Variants in MMD observed in about 807,000 individuals in gnomAD.
MMD encodes monocyte to macrophage differentiation factor.
MMD carries 22 observed loss-of-function variants against 33.6 expected under a neutral mutation model. The ratio of observed to expected loss-of-function variants is 0.66; its 90% confidence interval spans 0.47 to 0.94. The LOEUF (loss-of-function observed/expected upper bound fraction) is 0.94, where lower values mean the gene tolerates loss of function less well. MMD is among the 40% of genes least tolerant of loss of function. The pLI is 0.00. For missense variants in MMD, 242 were observed against 309.8 expected (o/e 0.78, Z 1.64); for synonymous variants, 97 against 103.2 (o/e 0.94, Z 0.36).
At chr17:55,395,506 T>G (rs1219741934) in intron 6 of MMD, among the ~76,000 whole-genome samples, 3 of 152,228 alleles carry the variant, frequency 2.0e-5, no homozygotes, top group Admixed American at 2.0e-4. Flanking sequence ...AGGGAAGCTC[T>G]AACTCAGGCA....
chr17:55,417,920 A>G lies in MMD; in HGVS notation c.27-3688T>C, dbSNP rs1464118695. On this transcript the variant is annotated intron_variant, in intron 1 of 6. Transcript: ENST00000262065. ...GTAACACAGTGTTCAGAGGCCCACA[A>G]GCCCTGAGTGGTCTGGGCCTCACTA... 2.6e-5 allele frequency among the ~76,000 whole-genome samples: 4 copies of G among 152,308 alleles called. No individual in the cohort carries two copies. The East Asian group carries it at 7.7e-4, about 29-fold the overall frequency.
rs761988183 is a variant in MMD at position 55,411,375 on chromosome 17, G to A, written c.151C>T (p.Arg51Trp). 83 of 1,613,936 alleles carry A rather than the reference G, an allele frequency of 5.1e-5. No individual in the cohort carries two copies. The highest frequency in any genetic ancestry group is 1.3e-4 in the Admixed American group (8 of 59,972). ...PAIVGSALLH[R>W]LSDDCWEKIT... Reference sequence around the variant, plus strand: ...TTTTCCCAGCAGTCATCAGACAGCCGATGGAGGAGGGCACTGCCCACGATG... The same window carrying A: ...TTTTCCCAGCAGTCATCAGACAGCCAATGGAGGAGGGCACTGCCCACGATG... The change falls in exon 3 of 7, where the codon CGG becomes TGG. Residue 51 changes from arginine to tryptophan, a missense_variant. Arg to Trp is a moderately radical substitution (Grantham distance 101). Transcript: ENST00000262065.
chr17:55,407,010 G>A (rs993325619), intron 4 of MMD, among the ~76,000 whole-genome samples: 1 of 151,836 alleles, frequency 6.6e-6, no homozygotes, highest in Non-Finnish European at 1.5e-5. Context: ...CAGCCTGGGA[G>A]ACAGAGTGAG....
intron 6 of MMD, among the ~76,000 whole-genome samples, chr17:55,395,153 C>T (rs1193456079): frequency 1.3e-5 from 2 of 152,190 alleles, no homozygotes; most frequent in Non-Finnish European, 2.9e-5. Context: ...GTATTCGAGC[C>T]TGGCCATTGC....
intron 1 of MMD, 130 bp downstream of exon 1, chr17:55,421,540 A>T: frequency 7.6e-7 from 1 of 1,309,080 alleles, no homozygotes; most frequent in South Asian, 1.2e-5. Flanking sequence ...CAGGGAACTG[A>T]TCCCTGGCCA....
chr17:55,410,608 C>T (rs913999810), intron 3 of MMD, among the ~76,000 whole-genome samples: 10 of 152,272 alleles, frequency 6.6e-5, no homozygotes, highest in East Asian at 5.8e-4. Context: ...TAGCAAAATA[C>T]GTGAACTCTG....
At position 55,394,393 on chromosome 17, in the gene MMD, A is replaced by G. The variant is rs1907024415; in HGVS notation, c.658T>C (p.Tyr220His). ...LFVATAAAVH[Y>H]YAIWKYLYRS... The stretch of plus-strand genomic sequence containing the variant: ...TAAAGGTATTTCCAAATGGCGTAGT[A>G]ATGCACTGCAGCTGCCGTGGCCACA... The change falls in exon 7 of 7, where the codon TAC (tyrosine) becomes CAC (histidine). Residue 220 changes from tyrosine (Y) to histidine (H), a missense_variant. Physicochemically the swap from Tyr to His is moderately conservative, Grantham distance 83. Transcript: ENST00000262065. 1 of 1,487,926 alleles carries G rather than the reference A, an allele frequency of 6.7e-7. No individual in the cohort carries two copies. The highest frequency in any genetic ancestry group is 2.6e-5 in the Admixed American group (1 of 38,136). 92.2% of individuals were successfully genotyped at this position (1,487,926 alleles called of 1,614,324 possible). A position where few individuals can be genotyped will look rare whatever the true frequency, so the allele number is the denominator to read the frequency against.
At position 55,393,566 on chromosome 17, in the gene MMD, T is replaced by TTG. The variant is rs1906996046; in HGVS notation, c.*767_*768insCA. On this transcript the variant is annotated 3_prime_UTR_variant, in exon 7 of 7. Transcript: ENST00000262065. ...GAAAAAGTTGGATCTTTTGAAAAAG[T>TTG]TAATGATATCAAAATACTTTTCCAT... 1 of 152,656 alleles carries TTG rather than the reference T, an allele frequency of 6.6e-6. No individual in the cohort carries two copies. The highest frequency in any genetic ancestry group is 1.5e-5 in the Non-Finnish European group (1 of 68,044). 9.5% of individuals were successfully genotyped at this position (152,656 alleles called of 1,614,324 possible). A position where few individuals can be genotyped will look rare whatever the true frequency, so the allele number is the denominator to read the frequency against.
chr17:55,404,333 C>T (rs1156265400), intron 4 of MMD: 47 of 508,256 alleles, frequency 9.2e-5, no homozygotes, highest in East Asian at 1.5e-4. Context: ...CCAGTCTGGG[C>T]GACAGAGCAA....
chr17:55,405,585 A>G (rs915547411), intron 4 of MMD, among the ~76,000 whole-genome samples: 3 of 152,210 alleles, frequency 2.0e-5, no homozygotes, highest in African/African-American at 4.8e-5. Context: ...TAAAGAATTT[A>G]AAATAACTAA....
chr17:55,397,809 G>A (rs1041636811), intron 6 of MMD, among the ~76,000 whole-genome samples: 2 of 152,098 alleles, frequency 1.3e-5, no homozygotes, highest in African/African-American at 4.8e-5. Flanking sequence ...CCAACGTGCT[G>A]GGATTACATG....
chr17:55,419,817 T>C (rs1036377253), intron 1 of MMD, among the ~76,000 whole-genome samples: 2 of 151,940 alleles, frequency 1.3e-5, no homozygotes, highest in African/African-American at 4.8e-5. Flanking sequence ...AAGAAACTGT[T>C]AAATATCCAT....
chr17:55,394,986 C>T (rs1423391299), intron 6 of MMD, among the ~76,000 whole-genome samples: 1 of 152,186 alleles, frequency 6.6e-6, no homozygotes, highest in Non-Finnish European at 1.5e-5. Flanking sequence ...AAACACTGTT[C>T]TACACTGATT....
rs1907753088 is a variant in MMD at position 55,411,328 on chromosome 17, T to C, written c.198A>G (p.Gly66=). ...CGATGAAGAGGGCACAGAGTCCCAT[T>C]CCATAAATCCATGCTGTTATCTTTT... ...CWEKITAWIY[G]MGLCALFIVS... is the part of the protein sequence containing the mutation. The change falls in exon 3 of 7, where the codon GGA becomes GGG. Residue 66 remains glycine, a synonymous_variant. Transcript: ENST00000262065. The C allele has an allele frequency of 6.2e-7, 1 of 1,613,970 alleles. No homozygotes were observed. Among genetic ancestry groups the C allele is most frequent in the African/African-American group, 1.3e-5 (1 of 74,926 alleles).
At chr17:55,420,885 GC>G (rs772980359) in intron 1 of MMD, among the ~76,000 whole-genome samples, 1 of 152,168 alleles carries the variant, frequency 6.6e-6, no homozygotes, top group Non-Finnish European at 1.5e-5. Context: ...TAAGGCCACG[GC>G]GCCCCCCAGC....
intron 1 of MMD, chr17:55,420,207 A>G (rs1244521653): frequency 1.3e-5 from 2 of 152,258 alleles, no homozygotes; most frequent in Non-Finnish European, 2.9e-5. Flanking sequence ...CAGGAAGAGC[A>G]CAGACGTGTA....
At chr17:55,402,484 CCAAGA>C (rs1567847153) in intron 5 of MMD, among the ~76,000 whole-genome samples, 1 of 152,166 alleles carries the variant, frequency 6.6e-6, no homozygotes, top group Non-Finnish European at 1.5e-5. Context: ...AAGGCAGGAA[CCAAGA>C]TTAATTATGT....
chr17:55,401,994 GAATGGCGT>G (rs1907352545), intron 5 of MMD, among the ~76,000 whole-genome samples: 2 of 35,644 alleles, frequency 5.6e-5, no homozygotes, highest in African/African-American at 7.5e-4. Flanking sequence ...GCGTGAACCC[GAATGGCGT>G]GAACCCGGGA....
At chr17:55,398,457 A>T (rs1191224992) in intron 6 of MMD, among the ~76,000 whole-genome samples, 1 of 151,504 alleles carries the variant, frequency 6.6e-6, no homozygotes, top group African/African-American at 2.4e-5. Flanking sequence ...CCGTCTTTTG[A>T]TCTGTGTCTA....
Sources: allele counts gnomAD v4.1 joint callset (sites outside exome capture counted in the v4.1 genomes callset), GRCh38; gene constraint gnomAD v4.1.1; transcripts MANE v1.5; gene names NCBI Gene and HGNC (gene_info 2026-07-23, HGNC 2026-07-21).